The following NAXD variants were observed in gnomAD, a reference collection of about 807,000 sequenced individuals.
NAXD encodes the protein NAD(P)HX dehydratase.
NAXD carries 22 observed loss-of-function variants against 35.8 expected under a neutral mutation model. The ratio of observed to expected loss-of-function variants is 0.62; its 90% CI spans 0.44 to 0.88. The LOEUF is 0.88. Among genes scored for constraint, NAXD ranks in the 40% least tolerant of loss-of-function variants. The pLI, the probability that NAXD is intolerant of heterozygous loss-of-function variation, is 0.00. For missense variants in NAXD, 428 were observed against 437.7 expected, an observed-to-expected ratio of 0.98 and a Z score of 0.20; for synonymous variants, 189 against 177.6, an observed-to-expected ratio of 1.06 and a Z score of -0.51.
At chr13:110,625,351 C>G in intron 4 of NAXD, 73 bp downstream of exon 4, 1 of 960,672 alleles carries the variant, frequency 1.0e-6, no homozygotes, top group Admixed American at 1.9e-5. Flanking sequence ...GGCACTGACA[C>G]CGAAAGCGTC....
At chr13:110,626,199 G>A (rs889538387) in intron 4 of NAXD, among the ~76,000 whole-genome samples, 4 of 152,076 alleles carry the variant, frequency 2.6e-5, no homozygotes, top group Admixed American at 2.0e-4. Flanking sequence ...GGGCTGGGCC[G>A]GAGGCTGTGG....
At chr13:110,629,866 C>CCACAT (rs1388375926) in intron 5 of NAXD, among the ~76,000 whole-genome samples, 1 of 152,192 alleles carries the variant, frequency 6.6e-6, no homozygotes, top group Non-Finnish European at 1.5e-5. Flanking sequence ...CTCTGATTCT[C>CCACAT]CACATCGTTC....
At position 110,628,285 on chromosome 13, in the gene NAXD, G is replaced by A. The variant is rs1886572191; in HGVS notation, c.441+738G>A. On this transcript the variant is annotated intron_variant, in intron 5 of 9. Transcript: ENST00000680254. The surrounding 1 kb of genome is among the most constrained non-coding windows in gnomAD (Gnocchi z 4.1). ...TCTGAGACCCTTTCTCAAGTTCCGG[G>A]GGACCCCTGTTAGAGCTCCTGGGGG... 6.6e-6 allele frequency among the ~76,000 whole-genome samples: 1 copy of A among 152,152 alleles called. No individual in the cohort carries two copies. The highest frequency in any genetic ancestry group is 2.4e-5 in the African/African-American group (1 of 41,432).
At chr13:110,637,377 T>C in intron 9 of NAXD, 128 bp downstream of exon 9, 1 of 1,151,908 alleles carries the variant, frequency 8.7e-7, no homozygotes, top group Non-Finnish European at 1.3e-6. Flanking sequence ...ACTGGAGAGA[T>C]CTCGGCACAG....
At chr13:110,624,848 C>G (rs1269589216) in intron 3 of NAXD, among the ~76,000 whole-genome samples, 1 of 152,228 alleles carries the variant, frequency 6.6e-6, no homozygotes, top group Non-Finnish European at 1.5e-5. Context: ...TAGGTCGCAG[C>G]TGAAGCCGCT....
rs115808175 is a variant in NAXD, at chr13:110,619,769, C to A, written c.47-2447C>A. On this transcript the variant is annotated intron_variant, in intron 1 of 9. Coordinates refer to ENST00000680254, the MANE Select transcript of NAXD (RefSeq NM_001242882.2). ...CTTCAGTGCATAGAACAGCTCCCCA[C>A]GACAAAGACAGGATGCTGATCGATA... 2.1e-3 allele frequency among the ~76,000 whole-genome samples: 317 copies of A among 152,174 alleles called. 1 individual carries two copies. Among genetic ancestry groups the A allele is most frequent in the African/African-American group, 7.3e-3 (304 of 41,506 alleles).
Position 110,639,004 on chromosome 13 carries a change from G to A in NAXD, c.*476G>A. On this transcript the variant is annotated 3_prime_UTR_variant, in exon 10 of 10. Transcript: ENST00000680254. ...CCTGAGTCCCGACTGCACTGACTGGGTCCATCAGAGGGCTGCTTCGTTCTC... is the reference window on the plus strand; with the variant it reads ...CCTGAGTCCCGACTGCACTGACTGGATCCATCAGAGGGCTGCTTCGTTCTC... 3.3e-6 allele frequency: 1 copy of A among 307,202 alleles called. No individual in the cohort carries two copies. The highest frequency in any genetic ancestry group is 6.4e-6 in the Non-Finnish European group (1 of 155,424). 19.0% of individuals were successfully genotyped at this position (307,202 alleles called of 1,614,324 possible). A position where few individuals can be genotyped will look rare whatever the true frequency, so the allele number is the denominator to read the frequency against.
At chr13:110,636,317 G>A (rs967813801) in intron 8 of NAXD, among the ~76,000 whole-genome samples, 1 of 152,280 alleles carries the variant, frequency 6.6e-6, no homozygotes, top group African/African-American at 2.4e-5. Flanking sequence ...GTGGGCGGGT[G>A]TGTGCACATC....
At chr13:110,619,886 C>A (rs1028215955) in intron 1 of NAXD, among the ~76,000 whole-genome samples, 1 of 152,134 alleles carries the variant, frequency 6.6e-6, no homozygotes, top group Non-Finnish European at 1.5e-5. Flanking sequence ...GCAGCCTCCA[C>A]CTTCTGGGTT....
Position 110,635,575 on chromosome 13 carries a change from C to T in NAXD, c.705C>T (p.Ser235=). The part of the protein sequence containing the change: ...VVQKGERDIL[S]NGQQVLVCSQ... Reference sequence around the variant, plus strand: ...AGAAAGGAGAGCGCGACATCCTCTCCAACGGCCAGCAGGGTGAGTGGCGGC... The same window carrying T: ...AGAAAGGAGAGCGCGACATCCTCTCTAACGGCCAGCAGGGTGAGTGGCGGC... The change falls in exon 8 of 10, where the codon TCC becomes TCT. Residue 235 remains serine, a synonymous_variant. Coordinates refer to ENST00000680254, the MANE Select transcript of NAXD (RefSeq NM_001242882.2). The T allele has an allele frequency of 1.9e-6, 3 of 1,614,072 alleles. No individual in the cohort carries two copies. The highest frequency in any genetic ancestry group is 2.5e-6 in the Non-Finnish European group (3 of 1,180,010).
chr13:110,636,454 TCA>T (rs1886929913), intron 8 of NAXD, among the ~76,000 whole-genome samples: 1 of 152,184 alleles, frequency 6.6e-6, no homozygotes, highest in South Asian at 2.1e-4. Flanking sequence ...ATGGTCATGC[TCA>T]CAGCCTCGCA....
At position 110,628,792 on chromosome 13, in the gene NAXD, G is replaced by GTGCACGGCTGC. The variant is rs1323552915; in HGVS notation, c.441+1249_441+1259dup. On this transcript the variant is annotated intron_variant, in intron 5 of 9. Transcript: ENST00000680254. The surrounding 1 kb of genome is among the most constrained non-coding windows in gnomAD (Gnocchi z 4.1). ...CCCATCTGCAGGCTGCGGGTCTGCG[G>GTGCACGGCTGC]TGCACGGCTGCTGCTTCCTGTCCAG... Among the ~76,000 whole-genome samples the GTGCACGGCTGC allele has an allele frequency of 1.9e-4, 29 of 152,194 alleles. No individual in the cohort carries two copies. The highest frequency in any genetic ancestry group is 3.7e-4 in the Non-Finnish European group (25 of 68,026).
At position 110,637,243 on chromosome 13, in the gene NAXD, C is replaced by T. The variant is rs1886961205; in HGVS notation, c.833C>T (p.Thr278Ile). Residue 278 changes from threonine to isoleucine, a missense_variant, in exon 9 of 10, where the codon ACA (threonine) becomes ATA (isoleucine). Thr to Ile is a moderately conservative substitution (Grantham distance 89). Around this residue, in one of 3 missense-constraint regions of NAXD, gnomAD observed 209 missense variants for 214.6 expected, o/e 0.97. Coordinates refer to ENST00000680254, the MANE Select transcript of NAXD (RefSeq NM_001242882.2). ...HWALLAGPQK[T>I]NGSSPLLVAA... ...GCGCTCCTTGCTGGACCACAGAAAA[C>T]AAATGGGTAAGGCCACGTCTTCATT... 1.2e-6 allele frequency: 2 copies of T among 1,613,988 alleles called. No individual in the cohort carries two copies. Among genetic ancestry groups the T allele is most frequent in the Non-Finnish European group, 1.7e-6 (2 of 1,179,980 alleles).
intron 5 of NAXD, among the ~76,000 whole-genome samples, chr13:110,634,116 A>G (rs573671616): frequency 1.1e-4 from 17 of 151,858 alleles, no homozygotes; most frequent in Admixed American, 3.9e-4. Context: ...CTGCTTCTCT[A>G]TTTTATTCAT....
rs1887016840 is a variant in NAXD, at chr13:110,638,357, C to T, written c.840-21C>T. 6.2e-7 allele frequency: 1 copy of T among 1,613,996 alleles called. No individual in the cohort carries two copies. Among genetic ancestry groups the T allele is most frequent in the Non-Finnish European group, 8.5e-7 (1 of 1,180,016 alleles). ...CACGACGCCCACTTCCCCACACCTC[C>T]TGCTGTCCCCCTCTCCGCAGGTCCA... On this transcript the variant is annotated intron_variant, in intron 9 of 9. Coordinates refer to ENST00000680254, the MANE Select transcript of NAXD (RefSeq NM_001242882.2). The surrounding 1 kb of genome is among the most constrained non-coding windows in gnomAD (Gnocchi z 5.4).
chr13:110,638,360 C>CT lies in NAXD; in HGVS notation c.840-17dup. On this transcript the variant is annotated splice_polypyrimidine_tract_variant and intron_variant, in intron 9 of 9. Transcript: ENST00000680254. This position sits in a 1 kb window ranked among gnomAD's most constrained non-coding sequence, Gnocchi z 5.4. ...GACGCCCACTTCCCCACACCTCCTG[C>CT]TGTCCCCCTCTCCGCAGGTCCAGCC... 6.2e-7 allele frequency: 1 copy of CT among 1,613,916 alleles called. No individual in the cohort carries two copies. Among genetic ancestry groups the CT allele is most frequent in the Non-Finnish European group, 8.5e-7 (1 of 1,180,018 alleles).
Position 110,638,457 on chromosome 13 carries a change from G to C in NAXD, c.919G>C (p.Gly307Arg). 1.2e-6 allele frequency: 2 copies of C among 1,613,408 alleles called. No individual in the cohort carries two copies. Among genetic ancestry groups the C allele is most frequent in the Non-Finnish European group, 1.7e-6 (2 of 1,180,026 alleles). ...CAACCACCAAGCCTTCCAGAAGCAC[G>C]GTCGCTCCACCACCACCTCCGACAT... ...QCNHQAFQKH[G>R]RSTTTSDMIA... Residue 307 changes from glycine to arginine, a missense_variant, in exon 10 of 10, where the codon GGT becomes CGT. Physicochemically the swap from Gly to Arg is moderately radical, Grantham distance 125. Around this residue, in one of 3 missense-constraint regions of NAXD, gnomAD observed 209 missense variants for 214.6 expected, o/e 0.97. Coordinates refer to ENST00000680254, the MANE Select transcript of NAXD (RefSeq NM_001242882.2). The surrounding 1 kb of genome is among the most constrained non-coding windows in gnomAD (Gnocchi z 5.4).
At chr13:110,636,339 A>G (rs922510829) in intron 8 of NAXD, among the ~76,000 whole-genome samples, 1 of 152,094 alleles carries the variant, frequency 6.6e-6, no homozygotes, top group African/African-American at 2.4e-5. Flanking sequence ...ACACTTGTAC[A>G]CTCACATTCA....
At chr13:110,629,139 G>A (rs1392711406) in intron 5 of NAXD, among the ~76,000 whole-genome samples, 1 of 151,850 alleles carries the variant, frequency 6.6e-6, no homozygotes, top group Non-Finnish European at 1.5e-5. Context: ...CTTCGTCGAC[G>A]TTCCTGAATG....
Sources: allele counts gnomAD v4.1 joint callset (sites outside exome capture counted in the v4.1 genomes callset), GRCh38; gene constraint gnomAD v4.1.1; regional missense constraint gnomAD v4.1.1; non-coding constraint Gnocchi (gnomAD v3.1); transcripts MANE v1.5; gene names NCBI Gene and HGNC (gene_info 2026-07-23, HGNC 2026-07-21).